Variants in KCNK9 observed in about 807,000 individuals in gnomAD.
KCNK9 encodes potassium two pore domain channel subfamily K member 9.
In KCNK9, 1 loss-of-function variant was observed where a neutral mutation model predicts 10.8. That is an observed-to-expected ratio of 0.09 (90% confidence interval 0.03 to 0.44). The LOEUF (loss-of-function observed/expected upper bound fraction) is 0.44, where lower values mean the gene tolerates loss of function less well. Among genes scored for constraint, KCNK9 ranks in the 20% least tolerant of loss-of-function variants. KCNK9 has a pLI of 0.97. For missense variants in KCNK9, 303 were observed against 515.0 expected (o/e 0.59, Z 3.98); for synonymous variants, 231 against 222.7 (o/e 1.04, Z -0.33).
At chr8:139,673,288 T>C (rs576526900) in intron 1 of KCNK9, among the ~76,000 whole-genome samples, 9 of 152,350 alleles carry the variant, frequency 5.9e-5, no homozygotes, top group African/African-American at 2.2e-4. Context: ...TGGAGATGGC[T>C]GCGCATATCT....
At position 139,687,507 on chromosome 8, in the gene KCNK9, T is replaced by TAGTATAC. The variant is rs1479342379; in HGVS notation, c.283+15202_283+15203insGTATACT. ...ACATATATACACATATATACATATA[T>TAGTATAC]ATGTATACACATATATTCATATATA... On this transcript the variant is annotated intron_variant, in intron 1 of 1. Transcript: ENST00000520439. Among the ~76,000 whole-genome samples the TAGTATAC allele has an allele frequency of 5.9e-4, 21 of 35,660 alleles. 3 individuals carry two copies. The highest frequency in any genetic ancestry group is 1.7e-3 in the African/African-American group (21 of 12,474). 23.4% of individuals were successfully genotyped at this position (35,660 alleles called of 152,430 possible).
At chr8:139,687,707 G>A (rs969198789) in intron 1 of KCNK9, among the ~76,000 whole-genome samples, 1 of 140,378 alleles carries the variant, frequency 7.1e-6, no homozygotes, top group African/African-American at 2.7e-5. Context: ...TATATATATA[G>A]ACACACATAC....
intron 1 of KCNK9, among the ~76,000 whole-genome samples, chr8:139,677,879 GAGGAATGCCTCACATCTGAGCCCAATGT>G (rs1816596625): frequency 7.0e-6 from 1 of 142,372 alleles, no homozygotes; most frequent in African/African-American, 3.0e-5. Flanking sequence ...CATGGCTGCA[GAGGAATGCCTCACATCTGAGCCCAATGT>G]GTCCCCACAG....
chr8:139,646,227 C>A (rs763400567), intron 1 of KCNK9, among the ~76,000 whole-genome samples: 7 of 152,232 alleles, frequency 4.6e-5, no homozygotes, highest in Non-Finnish European at 8.8e-5. Flanking sequence ...GTGGGCATCA[C>A]CCTTCTTTGG....
chr8:139,614,906 A>T (rs2130094778), downstream of KCNK9, among the ~76,000 whole-genome samples: 1 of 152,336 alleles, frequency 6.6e-6, no homozygotes, highest in South Asian at 2.1e-4. Context: ...ATTTCTAGGT[A>T]CTGGCTGGTG....
intron 1 of KCNK9, among the ~76,000 whole-genome samples, chr8:139,660,419 A>G (rs1816122148): frequency 6.7e-6 from 1 of 149,180 alleles, no homozygotes; most frequent in Non-Finnish European, 1.5e-5. Flanking sequence ...AGCCTGACCA[A>G]TGTCGTGAAA....
intron 1 of KCNK9, among the ~76,000 whole-genome samples, chr8:139,669,914 T>C (rs1467273832): frequency 6.6e-6 from 1 of 152,236 alleles, no homozygotes; most frequent in African/African-American, 2.4e-5. Context: ...GAAAGGATGT[T>C]GTGTTAGCAG....
At chr8:139,652,328 C>T (rs751351471) in intron 1 of KCNK9, among the ~76,000 whole-genome samples, 4 of 152,234 alleles carry the variant, frequency 2.6e-5, no homozygotes, top group Non-Finnish European at 4.4e-5. Context: ...TTGTTCCAAG[C>T]AGATTCTCTT....
chr8:139,619,452 CACA>C (rs1212514957), intron 1 of KCNK9, among the ~76,000 whole-genome samples: 36 of 152,152 alleles, frequency 2.4e-4, no homozygotes, highest in Non-Finnish European at 3.7e-4. Flanking sequence ...ATCTTAGAGC[CACA>C]TAAAGGCTTT....
intron 1 of KCNK9, among the ~76,000 whole-genome samples, chr8:139,662,253 C>T (rs1169441535): frequency 1.3e-5 from 2 of 152,148 alleles, no homozygotes; most frequent in African/African-American, 2.4e-5. Context: ...AGCTGGGAGG[C>T]TGGGGTCCTT....
chr8:139,689,587 T>C (rs1240827770), intron 1 of KCNK9, among the ~76,000 whole-genome samples: 1 of 151,580 alleles, frequency 6.6e-6, no homozygotes, highest in East Asian at 1.9e-4. Context: ...ATCATGGCAG[T>C]GTCATGGCAA....
chr8:139,697,798 C>T (rs1372817764), intron 1 of KCNK9, among the ~76,000 whole-genome samples: 1 of 152,160 alleles, frequency 6.6e-6, no homozygotes, highest in African/African-American at 2.4e-5. Context: ...AACCCCACTT[C>T]TGCCCCATTT....
intron 1 of KCNK9, among the ~76,000 whole-genome samples, chr8:139,624,911 C>A (rs1168181931): frequency 6.6e-6 from 1 of 152,250 alleles, no homozygotes; most frequent in Non-Finnish European, 1.5e-5. Flanking sequence ...CTGACTCTGT[C>A]CTGGGCACTG....
At chr8:139,634,831 G>T (rs1046147063) in intron 1 of KCNK9, among the ~76,000 whole-genome samples, 1 of 152,132 alleles carries the variant, frequency 6.6e-6, no homozygotes, top group Non-Finnish European at 1.5e-5. Context: ...ATCAGCCGAG[G>T]CCTGCCCTGA....
rs1175937686 is a variant in KCNK9, at chr8:139,693,691, G to A, written c.283+9019C>T. Reference sequence around the variant, plus strand: ...GATAAAGGACAATTGGGGAAAAGAGGAAGGCAGAGCCGGACTCAGGGCAGA... The same window carrying A: ...GATAAAGGACAATTGGGGAAAAGAGAAAGGCAGAGCCGGACTCAGGGCAGA... On this transcript the variant is annotated intron_variant, in intron 1 of 1. Coordinates refer to ENST00000520439, the MANE Select transcript of KCNK9 (RefSeq NM_001282534.2). This position sits in a 1 kb window ranked among gnomAD's most constrained non-coding sequence, Gnocchi z 4.1. Among the ~76,000 whole-genome samples, 1 of 152,166 alleles carries A rather than the reference G, an allele frequency of 6.6e-6. No homozygotes were observed. The highest frequency in any genetic ancestry group is 2.4e-5 in the African/African-American group (1 of 41,454).
downstream of KCNK9, chr8:139,616,131 A>T (rs942368335): frequency 2.6e-5 from 4 of 151,698 alleles, no homozygotes; most frequent in African/African-American, 9.7e-5. Flanking sequence ...ATCAGATCAC[A>T]CCCCCCAACC....
chr8:139,678,674 C>T (rs1045376677), intron 1 of KCNK9, among the ~76,000 whole-genome samples: 1 of 152,272 alleles, frequency 6.6e-6, no homozygotes, highest in Non-Finnish European at 1.5e-5. Context: ...TCCACAGGTA[C>T]CTTCCTCTTT....
intron 1 of KCNK9, among the ~76,000 whole-genome samples, chr8:139,652,277 T>C (rs3780046): frequency 0.013 from 2,021 of 152,230 alleles, 58 homozygotes; most frequent in East Asian, 0.095. Context: ...CCACCCTGAA[T>C]CCCACACAAG....
intron 1 of KCNK9, among the ~76,000 whole-genome samples, chr8:139,640,358 T>C (rs1353062586): frequency 6.6e-6 from 1 of 152,138 alleles, no homozygotes; most frequent in African/African-American, 2.4e-5. Context: ...ACTGTACATC[T>C]CCCATTCCAA....
Sources: gnomAD v4.1 joint callset for allele counts (sites outside exome capture counted in the v4.1 genomes callset) on GRCh38, gnomAD v4.1.1 for gene constraint, Gnocchi (gnomAD v3.1) non-coding constraint, MANE v1.5 for transcripts, NCBI Gene and HGNC (gene_info 2026-07-23, HGNC 2026-07-21) for gene names.